Variants in CEP72 observed in about 807,000 individuals in gnomAD.
CEP72 encodes centrosomal protein of 72 kDa.
In CEP72, 78 loss-of-function variants were observed where a neutral mutation model predicts 65.7. The observed-to-expected ratio is 1.19, with a 90% CI of 0.99 to 1.43. The LOEUF (loss-of-function observed/expected upper bound fraction) is 1.43. CEP72 is among the 40% of genes most tolerant of loss of function. The pLI is 0.00. For synonymous variants in CEP72, 358 were observed against 351.7 expected (o/e 1.02, Z -0.20); for missense variants, 914 against 832.9 (o/e 1.10, Z -1.20).
the CEP72 span, among the ~76,000 whole-genome samples, chr5:672,855 G>T: frequency 1.8e-3 from 273 of 152,348 alleles, 1 homozygote; most frequent in African/African-American, 6.4e-3. Flanking sequence ...AAAACCTGGC[G>T]TAAGGCTGCA....
chr5:640,044 C>T (rs1222915954), intron 8 of CEP72, among the ~76,000 whole-genome samples: 2 of 152,218 alleles, frequency 1.3e-5, no homozygotes, highest in Non-Finnish European at 2.9e-5. Flanking sequence ...GTCCCAGGCC[C>T]AGGCCACTGT....
rs1266779281 is a variant in CEP72, at chr5:653,267, T to C, written c.*114T>C. On this transcript the variant is annotated 3_prime_UTR_variant, in exon 12 of 12. Transcript: ENST00000264935. Reference sequence around the variant, plus strand: ...TGGCAAGAGTTCTCTCTTCTGTTGGTAATTATTTAGGATTTTTGGAATGTA... The same window carrying C: ...TGGCAAGAGTTCTCTCTTCTGTTGGCAATTATTTAGGATTTTTGGAATGTA... 4 of 1,107,150 alleles carry C rather than the reference T, an allele frequency of 3.6e-6. No individual in the cohort carries two copies. The highest frequency in any genetic ancestry group is 4.9e-6 in the Non-Finnish European group (4 of 818,608). The allele number at this position is 1,107,150 out of a possible 1,614,324, so 68.6% of individuals were successfully genotyped here. A position where few individuals can be genotyped will look rare whatever the true frequency, so the allele number is the denominator to read the frequency against.
exon 4 of CEP72, chr5:665,956 C>T (rs1306481690): frequency 6.7e-7 from 1 of 1,485,100 alleles, no homozygotes; most frequent in Non-Finnish European, 9.1e-7. Context: ...GCCTTCCATC[C>T]CCGCCCTGCT....
chr5:661,577 A>C (rs2126852602), downstream of CEP72: 1 of 152,562 alleles, frequency 6.6e-6, no homozygotes, highest in East Asian at 1.9e-4. Flanking sequence ...GTGCATAAAA[A>C]CATGCAGAAG....
chr5:638,396 A>C (rs1245346227), intron 7 of CEP72, among the ~76,000 whole-genome samples: 1 of 152,106 alleles, frequency 6.6e-6, no homozygotes, highest in Non-Finnish European at 1.5e-5. Flanking sequence ...TGCTGTAGAC[A>C]TGAGTGCAGA....
At chr5:628,098 C>T (rs1044538563) in intron 4 of CEP72, among the ~76,000 whole-genome samples, 1 of 152,228 alleles carries the variant, frequency 6.6e-6, no homozygotes, top group Non-Finnish European at 1.5e-5. Flanking sequence ...TGCTTCATAG[C>T]ACAGTGGCAC....
chr5:638,405 G>A (rs1198766308), intron 7 of CEP72, among the ~76,000 whole-genome samples: 3 of 152,128 alleles, frequency 2.0e-5, no homozygotes, highest in South Asian at 4.2e-4. Context: ...CATGAGTGCA[G>A]ACCACCCAGA....
intron 2 of CEP72, among the ~76,000 whole-genome samples, chr5:619,596 T>C (rs901979208): frequency 6.6e-6 from 1 of 152,042 alleles, no homozygotes; most frequent in African/African-American, 2.4e-5. Flanking sequence ...GCCCTGAGCC[T>C]GGTGCCTGAG....
chr5:669,885 G>A (rs533270860), downstream of CEP72, among the ~76,000 whole-genome samples: 21 of 152,256 alleles, frequency 1.4e-4, no homozygotes, highest in East Asian at 5.8e-4. Context: ...CTGGCTGCCC[G>A]GCTCTCCTGA....
chr5:644,102 C>A, intron 9 of CEP72, 197 bp from the exon 10 acceptor site: 1 of 581,262 alleles, frequency 1.7e-6, no homozygotes. Context: ...CCCCCCTCCC[C>A]TGAGGGTGCT....
At chr5:641,663 C>T in intron 9 of CEP72, 1 of 984,854 alleles carries the variant, frequency 1.0e-6, no homozygotes, top group Non-Finnish European at 1.2e-6. Context: ...CATCTGGAAG[C>T]CTCTGTATTT....
chr5:668,867 G>A (rs1326580211), downstream of CEP72, among the ~76,000 whole-genome samples: 2 of 152,182 alleles, frequency 1.3e-5, no homozygotes, highest in South Asian at 2.1e-4. Context: ...CCCAGGATAC[G>A]CACCCAACGC....
the CEP72 span, among the ~76,000 whole-genome samples, chr5:673,005 G>A: frequency 3.9e-5 from 6 of 152,224 alleles, no homozygotes; most frequent in Non-Finnish European, 5.9e-5. Context: ...CCTGAAAACA[G>A]AAATCGGTAG....
chr5:675,005 G>C, the CEP72 span, among the ~76,000 whole-genome samples: 1 of 141,774 alleles, frequency 7.1e-6, no homozygotes, highest in Non-Finnish European at 1.5e-5. Context: ...GAGCAGTGAG[G>C]GGGGCACAGT....
At chr5:646,686 G>T (rs1246990914) in intron 10 of CEP72, among the ~76,000 whole-genome samples, 1 of 152,188 alleles carries the variant, frequency 6.6e-6, no homozygotes, top group Non-Finnish European at 1.5e-5. Flanking sequence ...CTGCATGGGG[G>T]CCCCTGGCCT....
At chr5:616,245 C>G (rs1256627652) in intron 1 of CEP72, among the ~76,000 whole-genome samples, 6 of 152,166 alleles carry the variant, frequency 3.9e-5, no homozygotes, top group Non-Finnish European at 7.3e-5. Context: ...CAGTTTTCAT[C>G]TGTCATCTCC....
downstream of CEP72, among the ~76,000 whole-genome samples, chr5:659,033 T>C (rs1739476008): frequency 6.6e-6 from 1 of 152,232 alleles, no homozygotes; most frequent in Non-Finnish European, 1.5e-5. Flanking sequence ...GTGCTGTTTG[T>C]TCTATTCATG....
At chr5:625,617 C>T (rs1313326957) in intron 4 of CEP72, among the ~76,000 whole-genome samples, 1 of 152,244 alleles carries the variant, frequency 6.6e-6, no homozygotes, top group Non-Finnish European at 1.5e-5. Context: ...CTGGGATCGC[C>T]TCTTCCCTCA....
At position 647,894 on chromosome 5, in the gene CEP72, C is replaced by T; in HGVS notation, c.1756C>T (p.Gln586Ter). Residue 586 changes from glutamine to a stop codon, truncating the protein, a stop_gained, in exon 11 of 12, where the codon CAG (glutamine) becomes TAG (stop). Transcript: ENST00000264935. LOFTEE classifies it high-confidence loss of function. ...CTACGACAAGATCCAGGAGCTCACG[C>T]AGATGCTGCAGGAGAGCCACAGGTG... ...EHYDKIQELT[Q>*]MLQESHSSLV... is the part of the protein sequence containing the mutation. The T allele has an allele frequency of 1.2e-6, 2 of 1,611,978 alleles. No individual in the cohort carries two copies. Among genetic ancestry groups the T allele is most frequent in the South Asian group, 2.2e-5 (2 of 90,934 alleles).
Sources: gnomAD v4.1 joint callset for allele counts (sites outside exome capture counted in the v4.1 genomes callset) on GRCh38, gnomAD v4.1.1 for gene constraint, MANE v1.5 for transcripts, NCBI Gene and HGNC (gene_info 2026-07-23, HGNC 2026-07-21) for gene names.